The following MTR variants were observed in gnomAD, a reference collection of about 807,000 sequenced individuals.
MTR encodes the protein methionine synthase.
A neutral mutation model predicts 154.8 loss-of-function variants in MTR; 84 were observed. The observed-to-expected ratio is 0.54, with a 90% confidence interval of 0.45 to 0.65. MTR has a LOEUF of 0.65. Among genes scored for constraint, MTR ranks in the 30% least tolerant of loss-of-function variants. MTR has a pLI of 0.00. For synonymous variants in MTR, 554 were observed against 553.9 expected (o/e 1.00, Z 0.00); for missense variants, 1,275 against 1,570.2 (o/e 0.81, Z 3.18).
At chr1:236,851,584 A>G (rs1339767339) in intron 16 of MTR, among the ~76,000 whole-genome samples, 1 of 152,246 alleles carries the variant, frequency 6.6e-6, no homozygotes, top group South Asian at 2.1e-4. Flanking sequence ...TCAGAGGCTC[A>G]TAGGAACCTA....
intron 27 of MTR, 101 bp from the exon 28 acceptor site, chr1:236,889,080 G>A (rs1572338208): frequency 3.6e-6 from 5 of 1,407,978 alleles, no homozygotes; most frequent in East Asian, 4.6e-5. Flanking sequence ...CAGGAGGGAG[G>A]CGGAGTGTGG....
In MTR at chr1:236,848,929, G is replaced by A. The variant is rs113306125; in HGVS notation, c.1516-1415G>A. Among the ~76,000 whole-genome samples, 706 of 152,204 alleles carry A rather than the reference G, an allele frequency of 4.6e-3. 11 individuals carry two copies. The highest frequency in any genetic ancestry group is 0.016 in the African/African-American group (683 of 41,498). On this transcript the variant is annotated intron_variant, in intron 15 of 32. Transcript: ENST00000366577. ...CACTAGATGCACTTGACCTATGTCCGTGTCCCTACCCCCTCATCTCCACAG... is the reference window on the plus strand; with the variant it reads ...CACTAGATGCACTTGACCTATGTCCATGTCCCTACCCCCTCATCTCCACAG...
chr1:236,876,598 A>C (rs1202026907), intron 24 of MTR, among the ~76,000 whole-genome samples: 1 of 152,220 alleles, frequency 6.6e-6, no homozygotes, highest in Non-Finnish European at 1.5e-5. Context: ...GCTTCAAAAA[A>C]AGAATCTTTT....
intron 12 of MTR, among the ~76,000 whole-genome samples, chr1:236,830,619 A>T (rs1197744730): frequency 6.6e-6 from 1 of 152,218 alleles, no homozygotes; most frequent in African/African-American, 2.4e-5. Context: ...TTCATAATAG[A>T]TCATAAGTAC....
rs754624577 is a variant in MTR at position 236,797,958 on chromosome 1, C to CAAAAA, written c.34+2226_34+2230dup. Reference sequence around the variant, plus strand: ...GGGTGAGAGAGTGAGACTTAGTCTCCAAAAAAAAACAAAACAAAACAAAAC... The same window carrying CAAAAA: ...GGGTGAGAGAGTGAGACTTAGTCTCCAAAAAAAAAAAAAACAAAACAAAACAAAAC... On this transcript the variant is annotated intron_variant, in intron 1 of 32. Coordinates refer to ENST00000366577, the MANE Select transcript of MTR (RefSeq NM_000254.3). Among the ~76,000 whole-genome samples the CAAAAA allele has an allele frequency of 5.7e-5, 8 of 139,588 alleles. No individual in the cohort carries two copies. The East Asian group carries it at 6.1e-4, about 11-fold the overall frequency. The allele number at this position is 139,588 out of a possible 152,430, so 91.6% of individuals were successfully genotyped here. A position where few individuals can be genotyped will look rare whatever the true frequency, so the allele number is the denominator to read the frequency against.
chr1:236,806,325 G>A (rs1660983136), intron 3 of MTR, 92 bp downstream of exon 3: 2 of 1,013,066 alleles, frequency 2.0e-6, no homozygotes, highest in East Asian at 4.8e-5. Context: ...AAGCTGCAGA[G>A]TCAAGCTAAT....
At position 236,885,227 on chromosome 1, in the gene MTR, G is replaced by A. The variant is rs775527576; in HGVS notation, c.2775+8G>A. The A allele has an allele frequency of 1.3e-6, 2 of 1,521,128 alleles. No individual in the cohort carries two copies. The highest frequency in any genetic ancestry group is 1.4e-5 in the African/African-American group (1 of 72,802). 94.2% of individuals were successfully genotyped at this position (1,521,128 alleles called of 1,614,324 possible). ...CATTATGAGTCTCTCAAGGTAAGTG[G>A]TAGAAACAGATTTTTGCTTGTTTTT... is the stretch of plus-strand genomic sequence containing the variant. On this transcript the variant is annotated splice_region_variant and intron_variant, in intron 26 of 32. Transcript: ENST00000366577.
chr1:236,805,251 C>T (rs959809926), intron 2 of MTR, among the ~76,000 whole-genome samples: 3 of 151,964 alleles, frequency 2.0e-5, no homozygotes, highest in African/African-American at 4.8e-5. Flanking sequence ...AGACGAGTTT[C>T]GAAGAGAGCA....
intron 1 of MTR, among the ~76,000 whole-genome samples, chr1:236,798,726 A>C (rs1214507907): frequency 6.6e-6 from 1 of 152,246 alleles, no homozygotes; most frequent in East Asian, 1.9e-4. Flanking sequence ...ATCAGAAAGA[A>C]TCTGCTTTAT....
chr1:236,821,193 G>A (rs979935153), intron 8 of MTR, among the ~76,000 whole-genome samples: 4 of 152,254 alleles, frequency 2.6e-5, no homozygotes, highest in African/African-American at 9.6e-5. Context: ...TCGTAGCATG[G>A]CAGAAAAGTG....
At chr1:236,870,464 A>G (rs1665065320) in intron 22 of MTR, among the ~76,000 whole-genome samples, 1 of 152,080 alleles carries the variant, frequency 6.6e-6, no homozygotes, top group Admixed American at 6.5e-5. Context: ...CCTTCTTGTC[A>G]CCTGGGGATT....
intron 3 of MTR, among the ~76,000 whole-genome samples, chr1:236,806,718 G>A (rs1226297436): frequency 2.0e-5 from 3 of 152,108 alleles, no homozygotes; most frequent in Non-Finnish European, 4.4e-5. Flanking sequence ...CTGAAACTCT[G>A]TACCCATTAA....
chr1:236,822,304 T>C (rs903078034), intron 8 of MTR, among the ~76,000 whole-genome samples: 8 of 127,384 alleles, frequency 6.3e-5, no homozygotes, highest in African/African-American at 2.2e-4. Context: ...TTTTGTGGGG[T>C]TTTTTTTGTT....
chr1:236,868,234 A>C (rs73129192), intron 22 of MTR, among the ~76,000 whole-genome samples: 11,124 of 152,232 alleles, frequency 0.073, 810 homozygotes, highest in African/African-American at 0.19. Flanking sequence ...CTCTACCAGC[A>C]AAAAGGTTAC....
intron 19 of MTR, among the ~76,000 whole-genome samples, chr1:236,860,694 C>T (rs971415833): frequency 1.3e-5 from 2 of 152,120 alleles, no homozygotes; most frequent in Admixed American, 6.5e-5. Context: ...TGGTAAAACA[C>T]GAAGATACAA....
At position 236,841,647 on chromosome 1, in the gene MTR, CT is replaced by C. The variant is rs376000408; in HGVS notation, c.1515+3062del. On this transcript the variant is annotated intron_variant, in intron 15 of 32. Transcript: ENST00000366577. ...CATAATTTCCAAATTCTTGGTTAATCTTTTTTTTTTTTTTAGTCATTTGGTA... is the reference window on the plus strand; with the variant it reads ...CATAATTTCCAAATTCTTGGTTAATCTTTTTTTTTTTTTAGTCATTTGGTA... Among the ~76,000 whole-genome samples, 413 of 145,806 alleles carry C rather than the reference CT, an allele frequency of 2.8e-3. 2 individuals carry two copies. Among genetic ancestry groups the C allele is most frequent in the African/African-American group, 7.8e-3 (312 of 39,782 alleles).
At position 236,896,994 on chromosome 1, in the gene MTR, T is replaced by G. The variant is rs1437335117; in HGVS notation, c.3599-12T>G. ...GAGTCCATAAGCATTTTCCCTGTGT[T>G]GCTCCCTCTAGGCATTAGGTTAACA... On this transcript the variant is annotated splice_polypyrimidine_tract_variant and intron_variant, in intron 31 of 32. Coordinates refer to ENST00000366577, the MANE Select transcript of MTR (RefSeq NM_000254.3). 1.3e-6 allele frequency: 2 copies of G among 1,599,006 alleles called. No individual in the cohort carries two copies. Among genetic ancestry groups the G allele is most frequent in the South Asian group, 2.2e-5 (2 of 90,772 alleles).
intron 30 of MTR, chr1:236,894,807 C>T: frequency 1.8e-6 from 1 of 545,728 alleles, no homozygotes; most frequent in South Asian, 2.2e-5. Context: ...CTCTTAGAGC[C>T]TTTATCTCTA....
chr1:236,820,587 T>TA (rs35453692), intron 8 of MTR: 127,934 of 409,188 alleles, frequency 0.31, 9,728 homozygotes, highest in Admixed American at 0.36. Context: ...GTCAGTTTCT[T>TA]AAAAAAAAAA....
Sources: gnomAD v4.1 joint callset for allele counts (sites outside exome capture counted in the v4.1 genomes callset) on GRCh38, gnomAD v4.1.1 for gene constraint, MANE v1.5 for transcripts, NCBI Gene and HGNC (gene_info 2026-07-23, HGNC 2026-07-21) for gene names.